The following RIT2 variants were observed in gnomAD, a reference collection of about 807,000 sequenced individuals.
The protein encoded by RIT2 is GTP-binding protein Rit2.
A neutral mutation model predicts 23.7 loss-of-function variants in RIT2; 24 were observed. That is an observed-to-expected ratio of 1.01 (90% CI 0.73 to 1.43). The LOEUF is 1.43. Ranked by LOEUF, RIT2 falls within the 40% of genes most tolerant of loss-of-function variation. The pLI is 0.00. For missense variants in RIT2, 236 were observed against 266.9 expected (o/e 0.88, Z 0.81); for synonymous variants, 107 against 91.1 (o/e 1.17, Z -0.99).
At chr18:42,925,919 G>A (rs1909169354) in intron 3 of RIT2, among the ~76,000 whole-genome samples, 1 of 151,442 alleles carries the variant, frequency 6.6e-6, no homozygotes, top group Non-Finnish European at 1.5e-5. Context: ...TTTTTATAGA[G>A]ACATCATAAT....
chr18:42,867,054 A>G (rs989432844), intron 4 of RIT2, among the ~76,000 whole-genome samples: 1 of 152,294 alleles, frequency 6.6e-6, no homozygotes, highest in South Asian at 2.1e-4. Context: ...AATGTGAACT[A>G]TTCTTTACTG....
At chr18:42,767,187 CCGT>C (rs1913444568) in intron 4 of RIT2, among the ~76,000 whole-genome samples, 1 of 152,116 alleles carries the variant, frequency 6.6e-6, no homozygotes, top group Non-Finnish European at 1.5e-5. Flanking sequence ...ACATCTTGCA[CCGT>C]GTGCCTGGGA....
At chr18:42,906,685 T>C (rs1453432939) in intron 4 of RIT2, among the ~76,000 whole-genome samples, 1 of 152,226 alleles carries the variant, frequency 6.6e-6, no homozygotes, top group Non-Finnish European at 1.5e-5. Flanking sequence ...TACTGATAGA[T>C]TGGAAACAAA....
At chr18:42,802,580 T>TA (rs1038872683) in intron 4 of RIT2, among the ~76,000 whole-genome samples, 14 of 152,324 alleles carry the variant, frequency 9.2e-5, no homozygotes, top group African/African-American at 3.4e-4. Context: ...AAAACTTTGT[T>TA]AAAAAGAATA....
intron 4 of RIT2, among the ~76,000 whole-genome samples, chr18:42,877,623 T>C (rs1372439765): frequency 6.6e-6 from 1 of 151,262 alleles, no homozygotes; most frequent in Non-Finnish European, 1.5e-5. Flanking sequence ...CATAGATAAA[T>C]ATGTATGTTT....
intron 1 of RIT2, among the ~76,000 whole-genome samples, chr18:43,097,229 G>A (rs572311146): frequency 6.6e-6 from 1 of 151,814 alleles, no homozygotes; most frequent in Non-Finnish European, 1.5e-5. Flanking sequence ...TTTCTAACAG[G>A]TTCCCAGATG....
intron 4 of RIT2, among the ~76,000 whole-genome samples, chr18:42,797,779 G>A (rs927838612): frequency 1.3e-5 from 2 of 152,136 alleles, no homozygotes; most frequent in Non-Finnish European, 2.9e-5. Flanking sequence ...CAACATATAG[G>A]TCACTAGTGG....
chr18:43,086,633 A>C (rs1036962059), intron 1 of RIT2, among the ~76,000 whole-genome samples: 1 of 152,156 alleles, frequency 6.6e-6, no homozygotes, highest in African/African-American at 2.4e-5. Context: ...CACAAAAGGC[A>C]CTGCACGGCT....
intron 1 of RIT2, among the ~76,000 whole-genome samples, chr18:43,068,960 T>G (rs999768588): frequency 2.6e-5 from 4 of 152,124 alleles, no homozygotes; most frequent in Non-Finnish European, 5.9e-5. Context: ...CTTGCTGGGC[T>G]GCATTCCCAG....
At chr18:42,769,999 C>T (rs1343305936) in intron 4 of RIT2, among the ~76,000 whole-genome samples, 1 of 151,842 alleles carries the variant, frequency 6.6e-6, no homozygotes, top group African/African-American at 2.4e-5. Flanking sequence ...AGATCCAAGA[C>T]AGTCGTGGCT....
intron 4 of RIT2, among the ~76,000 whole-genome samples, chr18:42,785,745 G>A (rs1418944538): frequency 1.3e-5 from 2 of 152,108 alleles, no homozygotes; most frequent in East Asian, 1.9e-4. Flanking sequence ...TGGGGATGGT[G>A]AACTAAATGA....
At chr18:43,031,475 G>A (rs1911853180) in intron 2 of RIT2, among the ~76,000 whole-genome samples, 1 of 152,002 alleles carries the variant, frequency 6.6e-6, no homozygotes, top group East Asian at 1.9e-4. Flanking sequence ...TACAAAGACA[G>A]TAATGTGAAG....
intron 3 of RIT2, among the ~76,000 whole-genome samples, chr18:42,956,069 G>A (rs1181464540): frequency 6.6e-6 from 1 of 152,092 alleles, no homozygotes; most frequent in Non-Finnish European, 1.5e-5. Flanking sequence ...AGATGGAGAC[G>A]ACTACAAAAG....
At chr18:42,981,005 G>C (rs1910586040) in intron 2 of RIT2, among the ~76,000 whole-genome samples, 1 of 152,084 alleles carries the variant, frequency 6.6e-6, no homozygotes, top group African/African-American at 2.4e-5. Context: ...TTCAACCTGA[G>C]AGAGTAGAAG....
At chr18:43,114,027 C>T (rs1372642669) in intron 1 of RIT2, among the ~76,000 whole-genome samples, 1 of 152,060 alleles carries the variant, frequency 6.6e-6, no homozygotes, top group Admixed American at 6.6e-5. Context: ...TTCCTCCATC[C>T]CTTCCTCCTT....
intron 2 of RIT2, among the ~76,000 whole-genome samples, chr18:43,020,853 A>C (rs1911578782): frequency 6.6e-6 from 1 of 152,142 alleles, no homozygotes; most frequent in Non-Finnish European, 1.5e-5. Flanking sequence ...CTACATGCAC[A>C]AAAAATTTCA....
intron 4 of RIT2, among the ~76,000 whole-genome samples, chr18:42,795,657 G>A (rs1332732421): frequency 5.9e-5 from 9 of 152,362 alleles, no homozygotes; most frequent in African/African-American, 9.6e-5. Flanking sequence ...CTGCAGCCCG[G>A]GTGCGGGATC....
At chr18:42,988,500 A>G (rs1305616410) in intron 2 of RIT2, among the ~76,000 whole-genome samples, 11 of 152,194 alleles carry the variant, frequency 7.2e-5, no homozygotes, top group Non-Finnish European at 1.3e-4. Flanking sequence ...AAACAGAATG[A>G]TGTTGAAGGA....
chr18:43,102,059 C>T (rs1913696739), intron 1 of RIT2, among the ~76,000 whole-genome samples: 1 of 152,118 alleles, frequency 6.6e-6, no homozygotes, highest in Non-Finnish European at 1.5e-5. Context: ...ATAAGTTTTG[C>T]CTTCTTGATT....
Sources: gnomAD v4.1 joint callset for allele counts (sites outside exome capture counted in the v4.1 genomes callset) on GRCh38, gnomAD v4.1.1 for gene constraint, MANE v1.5 for transcripts, NCBI Gene and HGNC (gene_info 2026-07-23, HGNC 2026-07-21) for gene names.